SORL1: variants seen among roughly 807,000 people sequenced by gnomAD.
SORL1 encodes sortilin related receptor 1, also known as sortilin-related receptor.
A neutral mutation model predicts 273.7 loss-of-function variants in SORL1; 127 were observed. That is an observed-to-expected ratio of 0.46 (90% CI 0.40 to 0.54). The LOEUF (loss-of-function observed/expected upper bound fraction) is 0.54. Among genes scored for constraint, SORL1 ranks in the 20% least tolerant of loss-of-function variants. The pLI, the probability that SORL1 is intolerant of heterozygous loss-of-function variation, is 0.00. For missense variants in SORL1, 2,494 were observed against 2,846.1 expected, an observed-to-expected ratio of 0.88 and a Z score of 2.81; for synonymous variants, 1,031 against 1,067.4, an observed-to-expected ratio of 0.97 and a Z score of 0.66.
At chr11:121,553,808 C>T (rs1365043366) in intron 16 of SORL1, 129 bp from the exon 17 acceptor site, 2 of 851,260 alleles carry the variant, frequency 2.3e-6, no homozygotes, top group Non-Finnish European at 3.7e-6. Flanking sequence ...TTTCTGTGCT[C>T]TTCACTTGGT....
In SORL1 at chr11:121,462,702, A is replaced by G. The variant is rs183693936; in HGVS notation, c.286-7305A>G. Among the ~76,000 whole-genome samples the G allele has an allele frequency of 3.9e-3, 599 of 152,238 alleles. 7 individuals are homozygous for G. Among genetic ancestry groups the G allele is most frequent in the African/African-American group, 0.013 (541 of 41,560 alleles). ...TGGGCACAAGCGATCCTCCCACCTC[A>G]GACTCCCTAGTAGCTGGGACTACAG... On this transcript the variant is annotated intron_variant, in intron 1 of 47. Transcript: ENST00000260197.
At chr11:121,626,570 C>T (rs1863798210) in intron 46 of SORL1, 1 of 151,998 alleles carries the variant, frequency 6.6e-6, no homozygotes, top group African/African-American at 2.4e-5. Flanking sequence ...TTGATGAATA[C>T]CCTGTCAGGG....
At chr11:121,620,847 G>A (rs1863713085) in intron 43 of SORL1, among the ~76,000 whole-genome samples, 1 of 152,166 alleles carries the variant, frequency 6.6e-6, no homozygotes, top group Non-Finnish European at 1.5e-5. Flanking sequence ...AATTTTAGTT[G>A]ATAACTCTAT....
intron 24 of SORL1, 145 bp downstream of exon 24, chr11:121,574,508 T>A: frequency 1.4e-6 from 1 of 706,106 alleles, no homozygotes; most frequent in South Asian, 2.0e-5. Context: ...TCCATCCACA[T>A]GGTGGGGTTG....
At chr11:121,522,869 C>A (rs371311928) in intron 10 of SORL1, 47 bp from the exon 11 acceptor site, 235 of 1,530,784 alleles carry the variant, frequency 1.5e-4, no homozygotes, top group Non-Finnish European at 2.0e-4. Context: ...AGGTGATTAT[C>A]TGACATATTC....
At chr11:121,531,317 C>G (rs563387998) in intron 11 of SORL1, among the ~76,000 whole-genome samples, 1 of 152,224 alleles carries the variant, frequency 6.6e-6, no homozygotes, top group East Asian at 1.9e-4. Context: ...TCACTTGAAC[C>G]CAGGAGGCAG....
chr11:121,493,339 C>T (rs980700515), intron 5 of SORL1, among the ~76,000 whole-genome samples: 2 of 152,172 alleles, frequency 1.3e-5, no homozygotes, highest in African/African-American at 4.8e-5. Flanking sequence ...TCACAGCAAC[C>T]TCTGCCTCCC....
chr11:121,485,710 A>G (rs1393721304), intron 3 of SORL1, among the ~76,000 whole-genome samples: 2 of 152,142 alleles, frequency 1.3e-5, no homozygotes, highest in Non-Finnish European at 2.9e-5. Context: ...CCAATAACCT[A>G]GGTGGTTTGG....
intron 3 of SORL1, among the ~76,000 whole-genome samples, chr11:121,485,998 G>C (rs1300678122): frequency 1.3e-5 from 2 of 152,172 alleles, no homozygotes; most frequent in African/African-American, 2.4e-5. Context: ...CAAATGAAAA[G>C]GAGTGAGCAC....
chr11:121,567,728 A>G (rs947260043), intron 22 of SORL1, among the ~76,000 whole-genome samples: 3 of 152,154 alleles, frequency 2.0e-5, no homozygotes, highest in African/African-American at 7.2e-5. Flanking sequence ...CCGAAATTTA[A>G]AAAGTTTTTC....
chr11:121,553,915 A>T, intron 16 of SORL1, 22 bp from the exon 17 acceptor site: 1 of 1,605,252 alleles, frequency 6.2e-7, no homozygotes, highest in East Asian at 2.2e-5. Context: ...CCAACCTCCC[A>T]CGTGTCTTGT....
intron 47 of SORL1, among the ~76,000 whole-genome samples, chr11:121,628,365 C>T (rs771046367): frequency 5.9e-5 from 9 of 152,292 alleles, no homozygotes; most frequent in Non-Finnish European, 8.8e-5. Flanking sequence ...CACCTCAGAT[C>T]AGCAGGCATT....
chr11:121,482,930 C>A (rs1861415922), intron 3 of SORL1, among the ~76,000 whole-genome samples: 1 of 152,214 alleles, frequency 6.6e-6, no homozygotes, highest in African/African-American at 2.4e-5. Flanking sequence ...AGTTTTGGGT[C>A]TATTTCTGCA....
chr11:121,491,367 AG>A (rs1399465714), intron 5 of SORL1, among the ~76,000 whole-genome samples: 2 of 152,238 alleles, frequency 1.3e-5, no homozygotes, highest in African/African-American at 4.8e-5. Context: ...GTGATAAAGT[AG>A]TATAGGATCT....
At chr11:121,496,721 A>G (rs1861634531) in intron 5 of SORL1, 148 bp from the exon 6 acceptor site, 1 of 646,842 alleles carries the variant, frequency 1.5e-6, no homozygotes, top group Non-Finnish European at 2.6e-6. Flanking sequence ...GGAGTAACCA[A>G]AGGGATATGT....
chr11:121,577,778 C>T (rs1467721647), intron 25 of SORL1, among the ~76,000 whole-genome samples: 1 of 152,096 alleles, frequency 6.6e-6, no homozygotes, highest in Non-Finnish European at 1.5e-5. Flanking sequence ...GTTCCCCAGA[C>T]AAGGAAAATG....
At chr11:121,589,856 G>A (rs1296973684) in intron 29 of SORL1, among the ~76,000 whole-genome samples, 184 bp from the exon 30 acceptor site, 2 of 152,176 alleles carry the variant, frequency 1.3e-5, no homozygotes, top group African/African-American at 4.8e-5. Context: ...GGAAGATGGG[G>A]TTTTGTTTAG....
intron 1 of SORL1, among the ~76,000 whole-genome samples, chr11:121,468,387 A>T (rs1861118934): frequency 6.6e-6 from 1 of 152,094 alleles, no homozygotes; most frequent in Non-Finnish European, 1.5e-5. Flanking sequence ...TCCTGGTTTC[A>T]TGGCATTGTC....
Position 121,455,991 on chromosome 11 carries a change from TA to T in SORL1, c.285+3393del, listed in dbSNP as rs35906996. ...CTGGGGGACAGAGTGAGACTCCATC[TA>T]AAAAAAAAAAAAAAAAAGGCAAAGT... is the stretch of plus-strand genomic sequence containing the variant. On this transcript the variant is annotated intron_variant, in intron 1 of 47. Transcript: ENST00000260197. Among the ~76,000 whole-genome samples, 1,003 of 116,534 alleles carry T rather than the reference TA, an allele frequency of 8.6e-3. 4 individuals are homozygous for T. The highest frequency in any genetic ancestry group is 0.017 in the African/African-American group (524 of 31,512). The allele number at this position is 116,534 out of a possible 152,430, so 76.5% of individuals were successfully genotyped here. A position where few individuals can be genotyped will look rare whatever the true frequency, so the allele number is the denominator to read the frequency against.
Sources: allele counts gnomAD v4.1 joint callset (sites outside exome capture counted in the v4.1 genomes callset), GRCh38; gene constraint gnomAD v4.1.1; transcripts MANE v1.5; gene names NCBI Gene and HGNC (gene_info 2026-07-23, HGNC 2026-07-21).